Variants in PKHD1 observed in about 807,000 individuals in gnomAD.
PKHD1 encodes the protein PKHD1 ciliary IPT domain containing fibrocystin/polyductin.
PKHD1 carries 291 observed loss-of-function variants against 412.0 expected under a neutral mutation model. That is an observed-to-expected ratio of 0.71 (90% CI 0.64 to 0.78). PKHD1 has a LOEUF of 0.78. Among genes scored for constraint, PKHD1 ranks in the 30% least tolerant of loss-of-function variants. The probability of loss-of-function intolerance (pLI) is 0.00; values close to 1 mark genes in which losing one functional copy is unlikely to be tolerated. For missense variants in PKHD1, 4,825 were observed against 4,950.7 expected, an observed-to-expected ratio of 0.97 and a Z score of 0.76; for synonymous variants, 1,777 against 1,821.5, an observed-to-expected ratio of 0.98 and a Z score of 0.62.
chr6:51,972,098 T>C (rs1793757344), intron 35 of PKHD1, among the ~76,000 whole-genome samples: 2 of 152,116 alleles, frequency 1.3e-5, no homozygotes, highest in African/African-American at 4.8e-5. Flanking sequence ...TTGACTATGA[T>C]TGGTATTAAA....
At chr6:52,014,869 C>T (rs1249122557) in intron 34 of PKHD1, among the ~76,000 whole-genome samples, 2 of 152,158 alleles carry the variant, frequency 1.3e-5, no homozygotes, top group Non-Finnish European at 2.9e-5. Context: ...AGATGCACTT[C>T]TCCCTTTGCC....
chr6:51,982,938 G>A (rs1310716672), intron 35 of PKHD1, among the ~76,000 whole-genome samples: 2 of 105,326 alleles, frequency 1.9e-5, no homozygotes, highest in African/African-American at 3.3e-5. Context: ...CACATCGGAC[G>A]CCTTTGCCCA....
chr6:52,048,407 G>T, intron 23 of PKHD1, 85 bp downstream of exon 23: 2 of 1,299,518 alleles, frequency 1.5e-6, no homozygotes, highest in South Asian at 1.2e-5. Context: ...TCACCTGTCT[G>T]ACAACCTCCC....
chr6:51,815,890 T>C (rs542924290), intron 52 of PKHD1, among the ~76,000 whole-genome samples: 7 of 152,374 alleles, frequency 4.6e-5, no homozygotes, highest in Non-Finnish European at 7.3e-5. Context: ...TTTCTCACTT[T>C]ATATTTTGCC....
intron 53 of PKHD1, among the ~76,000 whole-genome samples, chr6:51,781,034 T>C (rs1416163316): frequency 6.6e-6 from 1 of 152,174 alleles, no homozygotes; most frequent in Non-Finnish European, 1.5e-5. Flanking sequence ...GTGGGTTAAA[T>C]GGTGTTTACT....
At chr6:51,751,806 T>C in intron 57 of PKHD1, among the ~76,000 whole-genome samples, 2 of 152,310 alleles carry the variant, frequency 1.3e-5, no homozygotes, top group South Asian at 4.1e-4. Context: ...ATAGACTCTA[T>C]TTCCTGTAAT....
At chr6:51,728,041 C>T (rs922072100) in intron 60 of PKHD1, among the ~76,000 whole-genome samples, 1 of 152,166 alleles carries the variant, frequency 6.6e-6, no homozygotes, top group African/African-American at 2.4e-5. Context: ...ATACAATACT[C>T]CCATGCCTTA....
At chr6:51,663,091 A>G (rs1007214811) in intron 60 of PKHD1, among the ~76,000 whole-genome samples, 8 of 152,004 alleles carry the variant, frequency 5.3e-5, no homozygotes, top group African/African-American at 1.9e-4. Context: ...ATGGCCCTAG[A>G]AATTTTGTTT....
intron 52 of PKHD1, among the ~76,000 whole-genome samples, chr6:51,824,940 G>C (rs771882098): frequency 2.6e-5 from 4 of 151,942 alleles, no homozygotes; most frequent in Non-Finnish European, 4.4e-5. Flanking sequence ...GCAGAGAAGA[G>C]GTGGTGTAAT....
chr6:51,960,187 A>G (rs1382877110), intron 35 of PKHD1, among the ~76,000 whole-genome samples, 161 bp from the exon 36 acceptor site: 1 of 152,084 alleles, frequency 6.6e-6, no homozygotes, highest in Non-Finnish European at 1.5e-5. Flanking sequence ...AAAGAAAGTA[A>G]AATTAATTTA....
At chr6:51,638,286 A>G (rs1034483846) in intron 64 of PKHD1, among the ~76,000 whole-genome samples, 2 of 152,194 alleles carry the variant, frequency 1.3e-5, no homozygotes, top group East Asian at 3.9e-4. Context: ...TTTCCTCATT[A>G]GTGAGTTAAA....
chr6:51,753,439 T>C (rs1786452472), intron 56 of PKHD1, 86 bp from the exon 57 acceptor site: 2 of 1,065,988 alleles, frequency 1.9e-6, no homozygotes. Flanking sequence ...ACCTGAGAAA[T>C]GAAAACATCC....
At chr6:51,881,722 T>G (rs1777407821) in intron 46 of PKHD1, among the ~76,000 whole-genome samples, 1 of 152,196 alleles carries the variant, frequency 6.6e-6, no homozygotes, top group Non-Finnish European at 1.5e-5. Context: ...CAAGCCTCCA[T>G]TTTCCCCTAA....
chr6:51,689,773 G>C (rs1412782042), intron 60 of PKHD1, among the ~76,000 whole-genome samples: 1 of 152,060 alleles, frequency 6.6e-6, no homozygotes, highest in Non-Finnish European at 1.5e-5. Flanking sequence ...AAATACCTAG[G>C]AATACAGCTA....
intron 66 of PKHD1, among the ~76,000 whole-genome samples, chr6:51,626,439 T>C (rs2150274622): frequency 6.6e-6 from 1 of 152,312 alleles, no homozygotes; most frequent in South Asian, 2.1e-4. Flanking sequence ...TGCTTATCTT[T>C]TCTCTGTTTG....
chr6:51,663,189 A>G (rs919475838), intron 60 of PKHD1, among the ~76,000 whole-genome samples: 1 of 152,068 alleles, frequency 6.6e-6, no homozygotes, highest in Non-Finnish European at 1.5e-5. Flanking sequence ...AAATCCTCAA[A>G]TCACAGAGGT....
In PKHD1 at chr6:51,912,527, G is replaced by C; in HGVS notation, c.6171C>G (p.Ala2057=). Residue 2057 remains alanine (A), a synonymous_variant, in exon 38 of 67, where the codon GCC becomes GCG. Transcript: ENST00000371117. ...IVTCLRATAH[A]LDTVLALEDA... ...CTTCTAAAGCCAGCACTGTGTCTAG[G>C]GCATGGGCAGTTGCTCTAAGACAGG... The C allele has an allele frequency of 6.2e-7, 1 of 1,613,248 alleles. No homozygotes were observed. Among genetic ancestry groups the C allele is most frequent in the East Asian group, 2.2e-5 (1 of 44,850 alleles).
rs745699529 is a variant in PKHD1, at chr6:51,772,718, C to T, written c.8626G>A (p.Ala2876Thr). Reference sequence around the variant, plus strand: ...ATTCCTTACCTCTCATTTCCTGAGGCAATATCAGCTCCAAGATGTGTCCAG... The same window carrying T: ...ATTCCTTACCTCTCATTTCCTGAGGTAATATCAGCTCCAAGATGTGTCCAG... The part of the protein sequence containing the change: ...NSWTHLGADI[A>T]SGNERIIVED... The change falls in exon 55 of 67, where the codon GCC becomes ACC. Residue 2876 changes from alanine to threonine, a missense_variant. Physicochemically the swap from Ala to Thr is moderately conservative, Grantham distance 58. Coordinates refer to ENST00000371117, the MANE Select transcript of PKHD1 (RefSeq NM_138694.4). 8 of 1,577,910 alleles carry T rather than the reference C, an allele frequency of 5.1e-6. No homozygotes were observed. Among genetic ancestry groups the T allele is most frequent in the African/African-American group, 1.3e-5 (1 of 74,110 alleles).
At chr6:51,862,781 T>C (rs1237886287) in intron 48 of PKHD1, among the ~76,000 whole-genome samples, 1 of 152,182 alleles carries the variant, frequency 6.6e-6, no homozygotes, top group Non-Finnish European at 1.5e-5. Flanking sequence ...CAGAAGGTAC[T>C]GGGGCACGAT....
Sources: allele counts gnomAD v4.1 joint callset (sites outside exome capture counted in the v4.1 genomes callset), GRCh38; gene constraint gnomAD v4.1.1; transcripts MANE v1.5; gene names NCBI Gene and HGNC (gene_info 2026-07-23, HGNC 2026-07-21).